The following EBAG9 variants were observed in gnomAD, a reference collection of about 807,000 sequenced individuals.
The protein encoded by EBAG9 is estrogen receptor binding site associated antigen 9, also known as receptor-binding cancer antigen expressed on SiSo cells.
EBAG9 carries 16 observed loss-of-function variants against 30.9 expected under a neutral mutation model. The observed-to-expected ratio is 0.52, with a 90% CI of 0.35 to 0.79. The LOEUF (loss-of-function observed/expected upper bound fraction) is 0.79, where lower values mean the gene tolerates loss of function less well. EBAG9 is among the 30% of genes least tolerant of loss of function. The pLI, the probability that EBAG9 is intolerant of heterozygous loss-of-function variation, is 0.01. For synonymous variants in EBAG9, 93 were observed against 82.8 expected, an observed-to-expected ratio of 1.12 and a Z score of -0.67; for missense variants, 197 against 242.1, an observed-to-expected ratio of 0.81 and a Z score of 1.24.
intron 5 of EBAG9, among the ~76,000 whole-genome samples, chr8:109,557,341 T>A (rs552353778): frequency 5.3e-5 from 8 of 152,192 alleles, no homozygotes; most frequent in Non-Finnish European, 1.2e-4. Flanking sequence ...TTAACCCTAA[T>A]GGTAGATTAT....
intron 1 of EBAG9, among the ~76,000 whole-genome samples, chr8:109,548,136 A>G (rs1821422887): frequency 6.6e-6 from 1 of 151,878 alleles, no homozygotes; most frequent in Non-Finnish European, 1.5e-5. Flanking sequence ...TTAGGTCTAT[A>G]ATCTATTTTT....
At position 109,564,612 on chromosome 8, in the gene EBAG9, A is replaced by G. The variant is rs1335803612; in HGVS notation, c.*53A>G. ...AGGAGAAATCTCAGCTCCACAACCC[A>G]AGCAACATTTGTATGGATTTAAGAG... On this transcript the variant is annotated 3_prime_UTR_variant, in exon 7 of 7. Transcript: ENST00000337573. The G allele has an allele frequency of 6.2e-7, 1 of 1,601,158 alleles. No homozygotes were observed. The highest frequency in any genetic ancestry group is 2.2e-5 in the East Asian group (1 of 44,670).
chr8:109,556,945 A>G lies in EBAG9; in HGVS notation c.332A>G (p.Lys111Arg). ...TIRKTQKIVI[K>R]KREPLNFGIP... is the part of the protein sequence containing the mutation. ...CAATTAATCTTTCAGATTGTTATTA[A>G]GAAGAGAGAACCATTGAATTTTGGC... is the stretch of plus-strand genomic sequence containing the variant. Residue 111 changes from lysine (K) to arginine (R), a missense_variant, in exon 5 of 7, where the codon AAG (lysine) becomes AGG (arginine). Coordinates refer to ENST00000337573, the MANE Select transcript of EBAG9 (RefSeq NM_004215.5). 1 of 1,583,824 alleles carries G rather than the reference A, an allele frequency of 6.3e-7. No homozygotes were observed.
chr8:109,554,878 A>G lies in EBAG9; in HGVS notation c.312A>G (p.Lys104=), dbSNP rs553718550. The change falls in exon 4 of 7, where the codon AAA becomes AAG. Residue 104 remains lysine (K), a synonymous_variant. Coordinates refer to ENST00000337573, the MANE Select transcript of EBAG9 (RefSeq NM_004215.5). The stretch of plus-strand genomic sequence containing the variant: ...AGGACATGACACCAACTATTAGGAA[A>G]ACTCAGAAAGTATGTTAAGATTTAT... ...YFKDMTPTIR[K]TQKIVIKKRE... 1 of 1,613,080 alleles carries G rather than the reference A, an allele frequency of 6.2e-7. No homozygotes were observed. Among genetic ancestry groups the G allele is most frequent in the African/African-American group, 1.3e-5 (1 of 75,002 alleles).
At chr8:109,557,587 T>TTATA (rs1212919089) in intron 5 of EBAG9, 1 of 430,176 alleles carries the variant, frequency 2.3e-6, no homozygotes, top group African/African-American at 2.0e-5. Flanking sequence ...GATTGATTGA[T>TTATA]TATATTATCT....
intron 1 of EBAG9, chr8:109,550,591 G>C (rs1270535733): frequency 8.3e-6 from 3 of 362,736 alleles, no homozygotes; most frequent in Non-Finnish European, 1.5e-5. Context: ...AACTCAGAAT[G>C]AAGGGTTTTA....
intron 1 of EBAG9, among the ~76,000 whole-genome samples, chr8:109,545,800 C>T (rs1475963466): frequency 6.6e-6 from 1 of 152,164 alleles, no homozygotes; most frequent in Non-Finnish European, 1.5e-5. Context: ...TATTTAAGGA[C>T]TGAGACACTA....
At chr8:109,542,584 T>A (rs532752877) in intron 1 of EBAG9, among the ~76,000 whole-genome samples, 73 of 152,332 alleles carry the variant, frequency 4.8e-4, no homozygotes, top group Admixed American at 1.4e-3. Context: ...CTCTTTTTTC[T>A]TATAATTTTT....
At chr8:109,557,997 A>T (rs1274493680) in intron 5 of EBAG9, 1 of 183,840 alleles carries the variant, frequency 5.4e-6, no homozygotes, top group African/African-American at 2.4e-5. Flanking sequence ...GTGGTTTTAT[A>T]AGTGATACAC....
Position 109,540,664 on chromosome 8 carries a change from C to G in EBAG9, c.-16+203C>G, listed in dbSNP as rs572465209. The G allele has an allele frequency of 2.0e-5, 3 of 152,346 alleles. No individual in the cohort carries two copies. The South Asian group carries it at 6.2e-4, about 32-fold the overall frequency. The allele number at this position is 152,346 out of a possible 1,614,324, so 9.4% of individuals were successfully genotyped here. A position where few individuals can be genotyped will look rare whatever the true frequency, so the allele number is the denominator to read the frequency against. On this transcript the variant is annotated intron_variant, in intron 1 of 6. Coordinates refer to ENST00000337573, the MANE Select transcript of EBAG9 (RefSeq NM_004215.5). ...TTCGATTTTACTACCAGCTCTCACACTCCGCTTCTGTTTCCCCTTCTCTTA... is the reference window on the plus strand; with the variant it reads ...TTCGATTTTACTACCAGCTCTCACAGTCCGCTTCTGTTTCCCCTTCTCTTA...
At position 109,554,732 on chromosome 8, in the gene EBAG9, G is replaced by T. The variant is rs1322400072; in HGVS notation, c.166G>T (p.Asp56Tyr). 3 of 1,612,656 alleles carry T rather than the reference G, an allele frequency of 1.9e-6. No homozygotes were observed. The highest frequency in any genetic ancestry group is 2.5e-6 in the Non-Finnish European group (3 of 1,179,298). Residue 56 changes from aspartate (D) to tyrosine (Y), a missense_variant, in exon 4 of 7, where the codon GAT (aspartate) becomes TAT (tyrosine). By Grantham distance (160) the Asp-to-Tyr change is radical. Transcript: ENST00000337573. ...VDYSSVPKQT[D>Y]VEEWTSWDED... ...AATGTTGATCAATTAAATTTAGACA[G>T]ATGTTGAAGAGTGGACTTCCTGGGA...
At chr8:109,544,704 TTGCC>T (rs1323912999) in intron 1 of EBAG9, among the ~76,000 whole-genome samples, 1 of 152,222 alleles carries the variant, frequency 6.6e-6, no homozygotes, top group East Asian at 1.9e-4. Flanking sequence ...ATATGTATGT[TTGCC>T]TGTGTATTTC....
intron 1 of EBAG9, among the ~76,000 whole-genome samples, chr8:109,543,381 T>C (rs1821318166): frequency 6.6e-6 from 1 of 152,190 alleles, no homozygotes; most frequent in Non-Finnish European, 1.5e-5. Flanking sequence ...GCGTTTTGCC[T>C]TTCCTTAGAA....
intron 1 of EBAG9, among the ~76,000 whole-genome samples, chr8:109,546,766 T>C (rs60463599): frequency 0.013 from 1,976 of 152,332 alleles, 45 homozygotes; most frequent in African/African-American, 0.045. Context: ...AAAAATACTA[T>C]ATATGGAATC....
chr8:109,556,151 T>C (rs1469236912), intron 4 of EBAG9, among the ~76,000 whole-genome samples: 1 of 152,024 alleles, frequency 6.6e-6, no homozygotes, highest in Non-Finnish European at 1.5e-5. Flanking sequence ...TATTCAAACA[T>C]AGAAAATATT....
At position 109,565,234 on chromosome 8, in the gene EBAG9, A is replaced by G. The variant is rs1233918608; in HGVS notation, c.*675A>G. 6.6e-6 allele frequency: 1 copy of G among 152,532 alleles called. No individual in the cohort carries two copies. Among genetic ancestry groups the G allele is most frequent in the African/African-American group, 2.4e-5 (1 of 41,452 alleles). The allele number at this position is 152,532 out of a possible 1,614,324, so 9.4% of individuals were successfully genotyped here. On this transcript the variant is annotated 3_prime_UTR_variant, in exon 7 of 7. Coordinates refer to ENST00000337573, the MANE Select transcript of EBAG9 (RefSeq NM_004215.5). ...TGTAATTTATATCACATGTATAAAC[A>G]TTGAAAATCAACTAAAATGACATTT...
chr8:109,547,795 G>A (rs1266109885), intron 1 of EBAG9, among the ~76,000 whole-genome samples: 1 of 151,964 alleles, frequency 6.6e-6, no homozygotes, highest in African/African-American at 2.4e-5. Context: ...TATGTTTTTT[G>A]ATGAAATGTC....
chr8:109,555,941 TTTC>T (rs1486906670), intron 4 of EBAG9, among the ~76,000 whole-genome samples: 1 of 152,150 alleles, frequency 6.6e-6, no homozygotes. Flanking sequence ...TCTGTTTGGA[TTTC>T]TTCAAGTGTT....
At chr8:109,558,118 ATCTG>A (rs1026414003) in intron 5 of EBAG9, among the ~76,000 whole-genome samples, 11 of 152,330 alleles carry the variant, frequency 7.2e-5, no homozygotes, top group South Asian at 2.1e-4. Context: ...TTTAAATTAC[ATCTG>A]TCTGTCAATC....
Sources: gnomAD v4.1 joint callset for allele counts (sites outside exome capture counted in the v4.1 genomes callset) on GRCh38, gnomAD v4.1.1 for gene constraint, MANE v1.5 for transcripts, NCBI Gene and HGNC (gene_info 2026-07-23, HGNC 2026-07-21) for gene names.